MYO7A: variants seen among roughly 807,000 people sequenced by gnomAD.
The protein encoded by MYO7A is myosin VIIA, also known as unconventional myosin-VIIa.
MYO7A carries 210 observed loss-of-function variants against 263.8 expected under a neutral mutation model. The observed-to-expected ratio is 0.80, with a 90% CI of 0.71 to 0.89. The LOEUF is 0.89. Among genes scored for constraint, MYO7A ranks in the 40% least tolerant of loss-of-function variants. MYO7A has a pLI of 0.00. For synonymous variants in MYO7A, 1,239 were observed against 1,197.3 expected, an observed-to-expected ratio of 1.03 and a Z score of -0.72; for missense variants, 2,820 against 2,968.3, an observed-to-expected ratio of 0.95 and a Z score of 1.16.
chr11:77,160,862 G>A (rs762674890), intron 11 of MYO7A, 111 bp from the exon 12 acceptor site: 9 of 1,272,928 alleles, frequency 7.1e-6, no homozygotes, highest in African/African-American at 4.5e-5. Context: ...GGTTTCACAC[G>A]GCACTTTGTT....
Position 77,202,339 on chromosome 11 carries a change from G to A in MYO7A, c.5083G>A (p.Val1695Ile). 6.3e-7 allele frequency: 1 copy of A among 1,581,790 alleles called. No homozygotes were observed. Among genetic ancestry groups the A allele is most frequent in the Non-Finnish European group, 8.6e-7 (1 of 1,163,076 alleles). ...TMTPDQRQDV[V>I]RLLQLRTAEP... ...GACTCCCGATCAGAGGCAGGACGTT[G>A]TCCGGCTCTTGCAGCTGCGAACGGC... The change falls in exon 37 of 49, where the codon GTC becomes ATC. Residue 1695 changes from valine to isoleucine, a missense_variant. Val to Ile is a conservative substitution (Grantham distance 29, BLOSUM62 3). Transcript: ENST00000409709.
rs757896867 is a variant in MYO7A, at chr11:77,203,191, C to T, written c.5300C>T (p.Ser1767Leu). 6.4e-5 allele frequency: 100 copies of T among 1,552,818 alleles called. No individual in the cohort carries two copies. The highest frequency in any genetic ancestry group is 9.7e-5 in the Admixed American group (5 of 51,576). ...LKKLLGSEEL[S>L]QEACLAFIAV... ...AAGCTCCTGGGCAGTGAGGAGCTCT[C>T]GCAGGAGGCCTGCCTGGCCTTCATT... Residue 1767 changes from serine to leucine, a missense_variant, in exon 38 of 49, where the codon TCG (serine) becomes TTG (leucine). By Grantham distance (145) the Ser-to-Leu change is moderately radical. Transcript: ENST00000409709.
intron 31 of MYO7A, among the ~76,000 whole-genome samples, chr11:77,192,683 G>T (rs1339532300): frequency 2.0e-5 from 3 of 152,202 alleles, no homozygotes; most frequent in African/African-American, 7.2e-5. Flanking sequence ...CTGAGGACAG[G>T]AGTTATGTGG....
At chr11:77,203,651 G>T (rs948963) in intron 38 of MYO7A, among the ~76,000 whole-genome samples, 1 of 151,932 alleles carries the variant, frequency 6.6e-6, no homozygotes, top group East Asian at 1.9e-4. Context: ...GGGAGGGAGG[G>T]GGAGTGTTCC....
At chr11:77,176,151 G>C (rs1204274197) in intron 18 of MYO7A, among the ~76,000 whole-genome samples, 1 of 152,216 alleles carries the variant, frequency 6.6e-6, no homozygotes, top group Non-Finnish European at 1.5e-5. Context: ...GGTGTGGGGG[G>C]TGGGGCCTGG....
chr11:77,160,153 C>A lies in MYO7A; in HGVS notation c.1081-10C>A. The A allele has an allele frequency of 6.4e-7, 1 of 1,552,508 alleles. No individual in the cohort carries two copies. Among genetic ancestry groups the A allele is most frequent in the Middle Eastern group, 1.9e-4 (1 of 5,322 alleles). The stretch of plus-strand genomic sequence containing the variant: ...TGGCAGGTGAGCACCTGGGGTGTTG[C>A]CTGTACCAGGTGAACCCCCCAGACC... On this transcript the variant is annotated splice_polypyrimidine_tract_variant and intron_variant, in intron 10 of 48. Coordinates refer to ENST00000409709, the MANE Select transcript of MYO7A (RefSeq NM_000260.4).
intron 26 of MYO7A, among the ~76,000 whole-genome samples, 155 bp from the exon 27 acceptor site, chr11:77,184,433 C>T (rs533270847): frequency 1.1e-4 from 16 of 152,292 alleles, no homozygotes; most frequent in African/African-American, 3.1e-4. Context: ...CTGCTGTGCA[C>T]GTGGCAGGGG....
At chr11:77,149,221 G>A (rs1951800587) in intron 4 of MYO7A, among the ~76,000 whole-genome samples, 1 of 144,124 alleles carries the variant, frequency 6.9e-6, no homozygotes, top group African/African-American at 2.6e-5. Context: ...ACCCCCAGCA[G>A]AGAGCAGGAG....
chr11:77,195,823 G>C (rs577704618), intron 32 of MYO7A, among the ~76,000 whole-genome samples: 1 of 152,214 alleles, frequency 6.6e-6, no homozygotes, highest in Non-Finnish European at 1.5e-5. Context: ...CCACAGACTA[G>C]GTAGTTTCAA....
chr11:77,206,064 A>C (rs1157565802), intron 40 of MYO7A, 33 bp from the exon 41 acceptor site: 1 of 1,545,394 alleles, frequency 6.5e-7, no homozygotes, highest in Non-Finnish European at 8.8e-7. Flanking sequence ...AGTCCCACGC[A>C]CATGCCCCCT....
chr11:77,210,211 A>G (rs1395237641), intron 44 of MYO7A, among the ~76,000 whole-genome samples: 2 of 152,224 alleles, frequency 1.3e-5, no homozygotes, highest in Non-Finnish European at 2.9e-5. Context: ...TACAAGTTCC[A>G]TGGAAGTAGG....
At chr11:77,181,875 T>G (rs1955249163) in intron 23 of MYO7A, 76 bp from the exon 24 acceptor site, 15 of 1,397,186 alleles carry the variant, frequency 1.1e-5, no homozygotes, top group Admixed American at 1.7e-5. Flanking sequence ...GCCTTGAACT[T>G]CTGGGCTCAG....
chr11:77,212,120 C>T (rs1040148136), intron 46 of MYO7A, 183 bp downstream of exon 46: 3 of 691,556 alleles, frequency 4.3e-6, no homozygotes, highest in Middle Eastern at 2.3e-4. Context: ...GTCCTGGGGA[C>T]AGAGGGACCA....
intron 44 of MYO7A, 81 bp from the exon 45 acceptor site, chr11:77,211,071 G>T (rs111768640): frequency 2.3e-6 from 3 of 1,322,960 alleles, no homozygotes; most frequent in Non-Finnish European, 3.1e-6. Flanking sequence ...AGACCCCGGC[G>T]TTGGGGGTCT....
At chr11:77,172,706 G>C in intron 15 of MYO7A, 42 bp from the exon 16 acceptor site, 1 of 1,545,896 alleles carries the variant, frequency 6.5e-7, no homozygotes, top group Non-Finnish European at 8.7e-7. Flanking sequence ...CACTGGATGG[G>C]GCAGGCACAG....
At chr11:77,159,929 G>C (rs1555067211) in intron 10 of MYO7A, among the ~76,000 whole-genome samples, 1 of 152,252 alleles carries the variant, frequency 6.6e-6, no homozygotes, top group Non-Finnish European at 1.5e-5. Flanking sequence ...AGAAGGGACA[G>C]GTGACATGCT....
At chr11:77,206,361 G>A (rs769594173) in intron 41 of MYO7A, among the ~76,000 whole-genome samples, 159 bp downstream of exon 41, 6 of 152,286 alleles carry the variant, frequency 3.9e-5, no homozygotes, top group South Asian at 4.1e-4. Context: ...GAAGGCCATC[G>A]ACTCCCCAGG....
At chr11:77,193,069 G>C (rs1309378429) in intron 31 of MYO7A, among the ~76,000 whole-genome samples, 5 of 105,276 alleles carry the variant, frequency 4.7e-5, no homozygotes, top group Non-Finnish European at 1.0e-4. Flanking sequence ...TGTTGGTGAT[G>C]GTGGAGGTAG....
At chr11:77,149,381 G>A (rs1307015339) in intron 4 of MYO7A, among the ~76,000 whole-genome samples, 2 of 152,220 alleles carry the variant, frequency 1.3e-5, no homozygotes, top group African/African-American at 4.8e-5. Flanking sequence ...TCTGGAGGTG[G>A]GTGAGGTTGG....
Sources: gnomAD v4.1 joint callset for allele counts (sites outside exome capture counted in the v4.1 genomes callset) on GRCh38, gnomAD v4.1.1 for gene constraint, MANE v1.5 for transcripts, NCBI Gene and HGNC (gene_info 2026-07-23, HGNC 2026-07-21) for gene names.